The following EXOC1 variants were observed in gnomAD, a reference collection of about 807,000 sequenced individuals.
The protein encoded by EXOC1 is exocyst complex component 1, also known as SEC3-like 1.
EXOC1 carries 67 observed loss-of-function variants against 107.7 expected under a neutral mutation model. That is an observed-to-expected ratio of 0.62 (90% CI 0.51 to 0.76). The LOEUF (loss-of-function observed/expected upper bound fraction) is 0.76, where lower values mean the gene tolerates loss of function less well. Ranked by LOEUF, EXOC1 falls within the 30% of genes least tolerant of loss-of-function variation. EXOC1 has a pLI of 0.00. For synonymous variants in EXOC1, 348 were observed against 353.5 expected, an observed-to-expected ratio of 0.98 and a Z score of 0.17; for missense variants, 833 against 1,055.7, an observed-to-expected ratio of 0.79 and a Z score of 2.92.
At chr4:55,855,915 T>TGTGGAGAGACGG (rs1415276521) in intron 1 of EXOC1, among the ~76,000 whole-genome samples, 2 of 152,090 alleles carry the variant, frequency 1.3e-5, no homozygotes, top group African/African-American at 4.8e-5. Flanking sequence ...TGGGTGAAGG[T>TGTGGAGAGACGG]GTGGAGAGAC....
intron 2 of EXOC1, among the ~76,000 whole-genome samples, chr4:55,858,888 A>T (rs1431313230): frequency 1.3e-5 from 2 of 152,144 alleles, no homozygotes; most frequent in Admixed American, 1.3e-4. Flanking sequence ...TGTTAATGAA[A>T]TTTATAATTT....
intron 1 of EXOC1, among the ~76,000 whole-genome samples, chr4:55,855,665 A>G (rs534849927): frequency 4.5e-4 from 68 of 152,298 alleles, no homozygotes; most frequent in African/African-American, 1.5e-3. Context: ...GGAGGGGGCT[A>G]CTTTACAGAA....
chr4:55,894,196 A>G (rs1378637995), intron 15 of EXOC1, among the ~76,000 whole-genome samples: 2 of 152,078 alleles, frequency 1.3e-5, no homozygotes, highest in Non-Finnish European at 1.5e-5. Context: ...GTGGTAGCAC[A>G]TGCCTATAAT....
At chr4:55,865,678 T>C (rs1037996534) in intron 4 of EXOC1, among the ~76,000 whole-genome samples, 9 of 152,158 alleles carry the variant, frequency 5.9e-5, no homozygotes, top group South Asian at 2.1e-4. Flanking sequence ...TTCCAGATGT[T>C]ATTTATTGTG....
chr4:55,899,596 A>G (rs898486425), intron 16 of EXOC1, 89 bp from the exon 17 acceptor site: 2 of 1,199,312 alleles, frequency 1.7e-6, no homozygotes, highest in African/African-American at 3.1e-5. Context: ...TTAAACTTAC[A>G]AATGAAAAAA....
chr4:55,877,365 G>C (rs935445356), intron 8 of EXOC1: 2 of 985,208 alleles, frequency 2.0e-6, no homozygotes, highest in African/African-American at 3.5e-5. Flanking sequence ...TTTGCTTGTT[G>C]TTGGGAAATT....
At chr4:55,883,794 TAAG>T (rs1053533246) in intron 9 of EXOC1, 26 bp from the exon 10 acceptor site, 54 of 1,366,350 alleles carry the variant, frequency 4.0e-5, no homozygotes, top group Non-Finnish European at 4.7e-5. Flanking sequence ...GTTTTATTAA[TAAG>T]AAGTACATGT....
At chr4:55,862,080 T>C (rs1015732860) in intron 3 of EXOC1, among the ~76,000 whole-genome samples, 14 of 152,090 alleles carry the variant, frequency 9.2e-5, no homozygotes, top group East Asian at 1.9e-4. Context: ...AAAAAACTTC[T>C]GTAAGTAATT....
intron 16 of EXOC1, among the ~76,000 whole-genome samples, chr4:55,898,574 A>T (rs1725521564): frequency 6.6e-6 from 1 of 152,110 alleles, no homozygotes; most frequent in Non-Finnish European, 1.5e-5. Flanking sequence ...AGAAGAAAGT[A>T]AAGATCATTT....
intron 13 of EXOC1, among the ~76,000 whole-genome samples, chr4:55,891,682 G>C (rs1365686510): frequency 6.6e-6 from 1 of 152,098 alleles, no homozygotes; most frequent in African/African-American, 2.4e-5. Context: ...ATTAGTGGGG[G>C]GAGGAATGTC....
intron 15 of EXOC1, among the ~76,000 whole-genome samples, chr4:55,894,967 G>A (rs1234325163): frequency 1.3e-5 from 2 of 152,018 alleles, no homozygotes; most frequent in South Asian, 4.1e-4. Flanking sequence ...GCTAGGCCAG[G>A]TTAAAAAATG....
At chr4:55,873,465 A>G (rs1722624618) in intron 8 of EXOC1, among the ~76,000 whole-genome samples, 5 of 152,290 alleles carry the variant, frequency 3.3e-5, no homozygotes, top group South Asian at 2.1e-4. Context: ...ACTGTTGACA[A>G]TTATGTTATC....
In EXOC1 at chr4:55,896,712, T is replaced by C; in HGVS notation, c.1954-5T>C. The C allele has an allele frequency of 6.3e-7, 1 of 1,598,736 alleles. No individual in the cohort carries two copies. The highest frequency in any genetic ancestry group is 8.5e-7 in the Non-Finnish European group (1 of 1,175,654). On this transcript the variant is annotated splice_polypyrimidine_tract_variant and splice_region_variant and intron_variant, in intron 15 of 18. Coordinates refer to ENST00000381295, the MANE Select transcript of EXOC1 (RefSeq NM_001024924.2). ...TTATCTCCCTTGCTCTCTGCCTAAC[T>C]TTAGAGTAACCAAATAAGGCAAATG... is the stretch of plus-strand genomic sequence containing the variant.
intron 9 of EXOC1, 198 bp from the exon 10 acceptor site, chr4:55,883,625 T>G (rs1210939935): frequency 2.5e-6 from 1 of 404,864 alleles, no homozygotes; most frequent in African/African-American, 2.1e-5. Context: ...GACTTCATAT[T>G]TTTGTAAATT....
chr4:55,888,670 A>G, intron 10 of EXOC1: 1 of 528,340 alleles, frequency 1.9e-6, no homozygotes, highest in Non-Finnish European at 3.4e-6. Context: ...TTTGAGTAAA[A>G]ACAATACATT....
At chr4:55,876,734 G>T in intron 8 of EXOC1, 1 of 985,308 alleles carries the variant, frequency 1.0e-6, no homozygotes, top group Non-Finnish European at 1.2e-6. Context: ...AACCTAAGTA[G>T]ATATCAGTAA....
At chr4:55,900,462 T>A (rs1383833217) in intron 17 of EXOC1, 1 of 152,170 alleles carries the variant, frequency 6.6e-6, no homozygotes, top group Non-Finnish European at 1.5e-5. Flanking sequence ...CCAGAGTAAG[T>A]CTGTTAATTA....
At chr4:55,872,042 T>C (rs1043918409) in intron 8 of EXOC1, 84 bp downstream of exon 8, 78 of 1,215,648 alleles carry the variant, frequency 6.4e-5, no homozygotes, top group Non-Finnish European at 2.5e-5. Context: ...AATGTTAATA[T>C]GTTTAATTGG....
intron 1 of EXOC1, among the ~76,000 whole-genome samples, chr4:55,854,586 T>C (rs887282659): frequency 6.6e-6 from 1 of 152,220 alleles, no homozygotes; most frequent in Non-Finnish European, 1.5e-5. Flanking sequence ...ATCTGTCATG[T>C]TGACTACTGT....
Sources: gnomAD v4.1 joint callset for allele counts (sites outside exome capture counted in the v4.1 genomes callset) on GRCh38, gnomAD v4.1.1 for gene constraint, MANE v1.5 for transcripts, NCBI Gene and HGNC (gene_info 2026-07-23, HGNC 2026-07-21) for gene names.